The following NCAM2 variants were observed in gnomAD, a reference collection of about 807,000 sequenced individuals.
NCAM2 encodes the protein N-CAM-2.
In NCAM2, 30 loss-of-function variants were observed where a neutral mutation model predicts 98.1. The ratio of observed to expected loss-of-function variants is 0.31; its 90% confidence interval spans 0.23 to 0.41. NCAM2 has a LOEUF of 0.41. Ranked by LOEUF, NCAM2 falls within the 10% of genes least tolerant of loss-of-function variation. The pLI is 1.00. For synonymous variants in NCAM2, 368 were observed against 342.4 expected, an observed-to-expected ratio of 1.07 and a Z score of -0.83; for missense variants, 867 against 1,005.8, an observed-to-expected ratio of 0.86 and a Z score of 1.87.
chr21:21,439,814 A>G (rs1978973422), intron 12 of NCAM2, among the ~76,000 whole-genome samples: 1 of 152,230 alleles, frequency 6.6e-6, no homozygotes, highest in Admixed American at 6.5e-5. Flanking sequence ...GTCAAAGAAA[A>G]CTACTCTTGC....
intron 1 of NCAM2, among the ~76,000 whole-genome samples, chr21:21,160,372 C>T (rs1017110496): frequency 6.6e-6 from 1 of 151,740 alleles, no homozygotes; most frequent in Non-Finnish European, 1.5e-5. Flanking sequence ...CAATACATTG[C>T]CATTGCAGGC....
intron 5 of NCAM2, 97 bp downstream of exon 5, chr21:21,292,338 T>C: frequency 1.7e-6 from 2 of 1,187,958 alleles, no homozygotes; most frequent in South Asian, 3.1e-5. Context: ...AAGTCTTATC[T>C]AATAAACCTC....
At chr21:21,237,089 T>A (rs1187507286) in intron 1 of NCAM2, among the ~76,000 whole-genome samples, 1 of 152,186 alleles carries the variant, frequency 6.6e-6, no homozygotes. Context: ...AATTACTGAT[T>A]GATATTTAAT....
chr21:21,236,448 A>G (rs1259576279), intron 1 of NCAM2, among the ~76,000 whole-genome samples: 4 of 150,738 alleles, frequency 2.7e-5, no homozygotes, highest in Non-Finnish European at 5.9e-5. Flanking sequence ...TTTCTTTGTA[A>G]TTTTTTTTTG....
intron 1 of NCAM2, among the ~76,000 whole-genome samples, chr21:21,270,093 A>C (rs1408859853): frequency 6.6e-6 from 1 of 152,202 alleles, no homozygotes; most frequent in African/African-American, 2.4e-5. Context: ...AATTTAATTT[A>C]GTACTGCGTA....
intron 1 of NCAM2, among the ~76,000 whole-genome samples, chr21:21,024,757 C>T (rs1601124927): frequency 6.6e-6 from 1 of 151,934 alleles, no homozygotes; most frequent in African/African-American, 2.4e-5. Context: ...CATGGTGGCG[C>T]ATGCCTGTAA....
chr21:21,276,662 G>A (rs1176753920), intron 1 of NCAM2, among the ~76,000 whole-genome samples: 3 of 151,972 alleles, frequency 2.0e-5, no homozygotes, highest in African/African-American at 7.2e-5. Flanking sequence ...CAAGATTAAG[G>A]CACAACCTCA....
At chr21:21,355,588 ATTAT>A (rs1350975118) in intron 8 of NCAM2, among the ~76,000 whole-genome samples, 1 of 150,970 alleles carries the variant, frequency 6.6e-6, no homozygotes, top group African/African-American at 2.4e-5. Flanking sequence ...AAGGAAAAAG[ATTAT>A]TTATTTGAAT....
At chr21:21,231,947 T>C (rs1347912811) in intron 1 of NCAM2, among the ~76,000 whole-genome samples, 1 of 151,604 alleles carries the variant, frequency 6.6e-6, no homozygotes, top group Non-Finnish European at 1.5e-5. Context: ...TTTCTTGATA[T>C]TTTACCATTA....
At chr21:21,017,857 G>A (rs1304205308) in intron 1 of NCAM2, among the ~76,000 whole-genome samples, 2 of 151,958 alleles carry the variant, frequency 1.3e-5, no homozygotes, top group Non-Finnish European at 2.9e-5. Context: ...ATAGGTCTGT[G>A]TATATATATT....
chr21:21,435,070 G>A (rs2077438789), intron 12 of NCAM2, among the ~76,000 whole-genome samples: 1 of 152,128 alleles, frequency 6.6e-6, no homozygotes, highest in African/African-American at 2.4e-5. Context: ...TCATCATGGG[G>A]TGCTGCTTAG....
rs116513789 is a variant in NCAM2, at chr21:21,361,732, T to C, written c.1045-12131T>C. 8.1e-3 allele frequency among the ~76,000 whole-genome samples: 1,226 copies of C among 152,236 alleles called. 16 individuals are homozygous for C. The highest frequency in any genetic ancestry group is 0.028 in the African/African-American group (1,176 of 41,572). On this transcript the variant is annotated intron_variant, in intron 8 of 17. Coordinates refer to ENST00000400546, the MANE Select transcript of NCAM2 (RefSeq NM_004540.5). ...CAGCTTCACTTGGATATTAAATAAATCTTTCAAAGTTAAAATATTCAGTTC... is the reference window on the plus strand; with the variant it reads ...CAGCTTCACTTGGATATTAAATAAACCTTTCAAAGTTAAAATATTCAGTTC...
chr21:21,478,920 A>T (rs1985498160), intron 15 of NCAM2, among the ~76,000 whole-genome samples: 1 of 152,188 alleles, frequency 6.6e-6, no homozygotes, highest in East Asian at 1.9e-4. Context: ...GACTGAATGT[A>T]CTATCGAATT....
intron 9 of NCAM2, among the ~76,000 whole-genome samples, chr21:21,408,130 A>G (rs1395539689): frequency 6.6e-6 from 1 of 152,218 alleles, no homozygotes; most frequent in Non-Finnish European, 1.5e-5. Flanking sequence ...AGATGCTTCC[A>G]TTGCCTAATG....
At chr21:21,293,017 C>A (rs1035380935) in intron 5 of NCAM2, among the ~76,000 whole-genome samples, 2 of 151,846 alleles carry the variant, frequency 1.3e-5, no homozygotes, top group African/African-American at 4.8e-5. Flanking sequence ...CATCAGCTCT[C>A]ATGAGAACTC....
At chr21:21,402,927 A>G (rs9981152) in intron 9 of NCAM2, among the ~76,000 whole-genome samples, 10,966 of 152,230 alleles carry the variant, frequency 0.072, 442 homozygotes, top group East Asian at 0.15. Flanking sequence ...CCAAAAGCAT[A>G]TAAGGGTTAT....
At chr21:21,498,876 G>A (rs111977447) in intron 15 of NCAM2, among the ~76,000 whole-genome samples, 2 of 151,972 alleles carry the variant, frequency 1.3e-5, no homozygotes, top group African/African-American at 4.8e-5. Flanking sequence ...TGTACTAGGG[G>A]GCAAAATGAA....
chr21:21,415,109 A>G (rs886412685), intron 10 of NCAM2, among the ~76,000 whole-genome samples: 1 of 152,092 alleles, frequency 6.6e-6, no homozygotes, highest in Non-Finnish European at 1.5e-5. Context: ...TAGGATTTTC[A>G]TAACGATAAA....
At chr21:21,478,063 C>T (rs553869214) in intron 15 of NCAM2, among the ~76,000 whole-genome samples, 4 of 152,250 alleles carry the variant, frequency 2.6e-5, no homozygotes, top group African/African-American at 9.6e-5. Context: ...ACAGTGCTTA[C>T]ATTGTTACAT....
Sources: gnomAD v4.1 joint callset for allele counts (sites outside exome capture counted in the v4.1 genomes callset) on GRCh38, gnomAD v4.1.1 for gene constraint, MANE v1.5 for transcripts, NCBI Gene and HGNC (gene_info 2026-07-23, HGNC 2026-07-21) for gene names.